The following DLGAP1 variants were observed in gnomAD, a reference collection of about 807,000 sequenced individuals.
DLGAP1 encodes the protein disks large-associated protein 1.
DLGAP1 carries 11 observed loss-of-function variants against 90.8 expected under a neutral mutation model. That is an observed-to-expected ratio of 0.12 (90% CI 0.08 to 0.20). The LOEUF is 0.20. Ranked by LOEUF, DLGAP1 falls within the 10% of genes least tolerant of loss-of-function variation. DLGAP1 has a pLI of 1.00. For synonymous variants in DLGAP1, 558 were observed against 540.7 expected (o/e 1.03, Z -0.44); for missense variants, 1,050 against 1,333.8 (o/e 0.79, Z 3.31).
rs1343401256 is a variant in DLGAP1, at chr18:3,956,673, G to T, written c.-73+48443C>A. Among the ~76,000 whole-genome samples, 114 of 151,926 alleles carry T rather than the reference G, an allele frequency of 7.5e-4. 1 individual carries two copies. The highest frequency in any genetic ancestry group is 7.4e-3 in the Admixed American group (113 of 15,236). On this transcript the variant is annotated intron_variant, in intron 3 of 12. Coordinates refer to ENST00000315677, the MANE Select transcript of DLGAP1 (RefSeq NM_004746.4). ...TATTTTTCCTTTTCTTTTAGACAGG[G>T]TCTCGCTCTGTCACCCAGGCTGGAT... is the stretch of plus-strand genomic sequence containing the variant.
At chr18:4,131,822 T>G (rs998039663) in intron 2 of DLGAP1, among the ~76,000 whole-genome samples, 1 of 152,226 alleles carries the variant, frequency 6.6e-6, no homozygotes, top group Non-Finnish European at 1.5e-5. Flanking sequence ...TTCTATTGAC[T>G]GTGCAAATGT....
Position 3,791,966 on chromosome 18 carries a change from A to AAGTAATGTGTT in DLGAP1, c.1172+22082_1172+22092dup, listed in dbSNP as rs1191342372. On this transcript the variant is annotated intron_variant, in intron 5 of 12. Transcript: ENST00000315677. ...GGCAATTCATCATTTTTTAACAGCA[A>AAGTAATGTGTT]AGTAATGTGTTAATCCCTGTCTGCT... 9.2e-5 allele frequency among the ~76,000 whole-genome samples: 14 copies of AAGTAATGTGTT among 152,286 alleles called. 1 individual carries two copies. The highest frequency in any genetic ancestry group is 3.4e-3 in the Middle Eastern group (1 of 294).
At chr18:3,882,274 C>T (rs1055256900) in intron 3 of DLGAP1, among the ~76,000 whole-genome samples, 7 of 151,882 alleles carry the variant, frequency 4.6e-5, no homozygotes, top group East Asian at 3.9e-4. Context: ...TGGTGGCTGA[C>T]GCCTGTAATC....
chr18:4,238,700 A>C (rs912812259), intron 1 of DLGAP1, among the ~76,000 whole-genome samples: 1 of 152,178 alleles, frequency 6.6e-6, no homozygotes, highest in Non-Finnish European at 1.5e-5. Context: ...AATTCTAATC[A>C]AAATATGTAA....
intron 5 of DLGAP1, among the ~76,000 whole-genome samples, chr18:3,751,392 GC>G (rs1381039969): frequency 3.9e-5 from 6 of 151,956 alleles, no homozygotes; most frequent in Non-Finnish European, 8.8e-5. Flanking sequence ...GAACTCCTGG[GC>G]TCAAGCAATC....
intron 1 of DLGAP1, among the ~76,000 whole-genome samples, chr18:4,244,089 A>C (rs2078603639): frequency 6.6e-6 from 1 of 152,126 alleles, no homozygotes; most frequent in African/African-American, 2.4e-5. Flanking sequence ...TATCCCACAT[A>C]ATCACAAGTC....
At chr18:3,631,147 ATT>A (rs796807690) in intron 7 of DLGAP1, among the ~76,000 whole-genome samples, 2 of 142,082 alleles carry the variant, frequency 1.4e-5, no homozygotes. Context: ...CGCCCAGTTA[ATT>A]TTTTTTTTTT....
chr18:3,866,049 T>C (rs2095518152), intron 4 of DLGAP1, among the ~76,000 whole-genome samples: 1 of 152,152 alleles, frequency 6.6e-6, no homozygotes, highest in South Asian at 2.1e-4. Flanking sequence ...TCCTCTTTTT[T>C]TGGGTCACAG....
intron 7 of DLGAP1, among the ~76,000 whole-genome samples, chr18:3,712,538 A>G (rs2061629841): frequency 6.6e-6 from 1 of 152,216 alleles, no homozygotes; most frequent in South Asian, 2.1e-4. Context: ...TTAAGAGCTA[A>G]TAGGGACCCA....
At position 4,213,380 on chromosome 18, in the gene DLGAP1, C is replaced by G. The variant is rs1372493546; in HGVS notation, c.-266-62093G>C. Reference sequence around the variant, plus strand: ...GCCAAGTTGACCCCTGAAGTAACATCGAGTCAGGAGGAAGAATGGAAAGGA... The same window carrying G: ...GCCAAGTTGACCCCTGAAGTAACATGGAGTCAGGAGGAAGAATGGAAAGGA... On this transcript the variant is annotated intron_variant, in intron 1 of 12. Transcript: ENST00000315677. Among the ~76,000 whole-genome samples the G allele has an allele frequency of 5.9e-5, 9 of 152,030 alleles. No individual in the cohort carries two copies. The South Asian group carries it at 1.0e-3, about 18-fold the overall frequency.
intron 1 of DLGAP1, among the ~76,000 whole-genome samples, chr18:4,289,622 C>T (rs2079796009): frequency 6.6e-6 from 1 of 151,976 alleles, no homozygotes; most frequent in Non-Finnish European, 1.5e-5. Flanking sequence ...GAGGTATTTC[C>T]TTCAACAGAT....
chr18:4,335,674 A>G (rs1480632295), intron 1 of DLGAP1, among the ~76,000 whole-genome samples: 1 of 152,206 alleles, frequency 6.6e-6, no homozygotes, highest in Non-Finnish European at 1.5e-5. Context: ...ATCCAAGCTT[A>G]TGCACTAAAC....
chr18:3,674,296 A>ATAAATATAT, intron 7 of DLGAP1, among the ~76,000 whole-genome samples: 1 of 128,994 alleles, frequency 7.8e-6, no homozygotes, highest in East Asian at 2.1e-4. Context: ...ATAATATTAA[A>ATAAATATAT]ATATATATAT....
intron 1 of DLGAP1, among the ~76,000 whole-genome samples, chr18:4,212,484 G>A (rs1433997050): frequency 6.7e-6 from 1 of 149,636 alleles, no homozygotes; most frequent in East Asian, 2.0e-4. Context: ...TGGCCAACAT[G>A]GTGAAACCAT....
intron 1 of DLGAP1, among the ~76,000 whole-genome samples, chr18:4,345,679 A>G (rs2081290156): frequency 6.6e-6 from 1 of 152,212 alleles, no homozygotes; most frequent in African/African-American, 2.4e-5. Context: ...AGTATGAAAA[A>G]TATCTTCAAA....
intron 7 of DLGAP1, among the ~76,000 whole-genome samples, chr18:3,609,662 G>A (rs1295747453): frequency 2.0e-5 from 3 of 152,140 alleles, no homozygotes; most frequent in South Asian, 4.1e-4. Context: ...TGTAGGGAAA[G>A]GGGATAGAGT....
chr18:4,086,585 A>G (rs894978432), intron 2 of DLGAP1, among the ~76,000 whole-genome samples: 1 of 152,068 alleles, frequency 6.6e-6, no homozygotes, highest in South Asian at 2.1e-4. Flanking sequence ...GTGTTATTTA[A>G]TTTTAAGATA....
At chr18:4,343,074 G>A (rs1191740625) in intron 1 of DLGAP1, among the ~76,000 whole-genome samples, 3 of 152,066 alleles carry the variant, frequency 2.0e-5, no homozygotes, top group Admixed American at 6.6e-5. Flanking sequence ...TTGGGAGGCC[G>A]AGGCAGGCGG....
chr18:3,608,556 A>G (rs1429783265), intron 7 of DLGAP1, among the ~76,000 whole-genome samples: 1 of 152,130 alleles, frequency 6.6e-6, no homozygotes, highest in African/African-American at 2.4e-5. Flanking sequence ...GATGCTGTCT[A>G]TGTGTTGGGG....
Sources: allele counts gnomAD v4.1 joint callset (sites outside exome capture counted in the v4.1 genomes callset), GRCh38; gene constraint gnomAD v4.1.1; transcripts MANE v1.5; gene names NCBI Gene and HGNC (gene_info 2026-07-23, HGNC 2026-07-21).